The following SORCS2 variants were observed in gnomAD, a reference collection of about 807,000 sequenced individuals.
The protein encoded by SORCS2 is sortilin related VPS10 domain containing receptor 2.
Under a neutral mutation model 141.6 loss-of-function variants are expected in SORCS2, and 100 were observed. The ratio of observed to expected loss-of-function variants is 0.71; its 90% CI spans 0.60 to 0.83. The LOEUF (loss-of-function observed/expected upper bound fraction) is 0.83, where lower values mean the gene tolerates loss of function less well. SORCS2 is among the 40% of genes least tolerant of loss of function. The pLI, the probability that SORCS2 is intolerant of heterozygous loss-of-function variation, is 0.00. For synonymous variants in SORCS2, 789 were observed against 676.9 expected (o/e 1.17, Z -2.57); for missense variants, 1,646 against 1,560.2 (o/e 1.05, Z -0.93).
At chr4:7,559,965 G>A (rs1714416654) in intron 3 of SORCS2, among the ~76,000 whole-genome samples, 1 of 152,356 alleles carries the variant, frequency 6.6e-6, no homozygotes, top group East Asian at 1.9e-4. Context: ...GGAGCAGGGA[G>A]GGGACCTACC....
At chr4:7,675,365 CTG>C (rs1203741234) in intron 8 of SORCS2, among the ~76,000 whole-genome samples, 3 of 152,140 alleles carry the variant, frequency 2.0e-5, no homozygotes, top group African/African-American at 7.2e-5. Flanking sequence ...CCCCTCCAGA[CTG>C]TGCCCCCAGG....
chr4:7,446,408 A>G (rs780328366), intron 2 of SORCS2, among the ~76,000 whole-genome samples: 20 of 152,140 alleles, frequency 1.3e-4, no homozygotes, highest in Non-Finnish European at 2.5e-4. Context: ...GGGCTTCAAT[A>G]TATGAATTTT....
At chr4:7,583,411 CAT>C (rs1399653160) in intron 3 of SORCS2, among the ~76,000 whole-genome samples, 1 of 152,206 alleles carries the variant, frequency 6.6e-6, no homozygotes, top group African/African-American at 2.4e-5. Context: ...TTACCGAAGT[CAT>C]ACCACCTCGT....
intron 2 of SORCS2, among the ~76,000 whole-genome samples, chr4:7,456,460 C>T (rs1226988987): frequency 6.6e-6 from 1 of 151,782 alleles, no homozygotes. Context: ...GTTTCCCACC[C>T]ATAAGCCTGA....
intron 2 of SORCS2, among the ~76,000 whole-genome samples, chr4:7,457,689 A>G (rs1015164546): frequency 1.3e-5 from 2 of 151,066 alleles, no homozygotes; most frequent in East Asian, 3.9e-4. Context: ...CCCAGTGAAC[A>G]CTGCAAGCTG....
At chr4:7,230,405 G>A (rs994689873) in intron 1 of SORCS2, among the ~76,000 whole-genome samples, 40 of 119,422 alleles carry the variant, frequency 3.3e-4, no homozygotes, top group Non-Finnish European at 6.3e-4. Flanking sequence ...TCTCTGGGCC[G>A]GAGCAGTGTC....
rs529606603 is a variant in SORCS2 at position 7,640,412 on chromosome 4, G to C, written c.813+1920G>C. On this transcript the variant is annotated intron_variant, in intron 4 of 26. Coordinates refer to ENST00000507866, the MANE Select transcript of SORCS2 (RefSeq NM_020777.3). ...TGGGTGTGTGAGTGTGTGTGGGTGAGTGTGTGTGATCGTGTGTGTGAGTCT... is the reference window on the plus strand; with the variant it reads ...TGGGTGTGTGAGTGTGTGTGGGTGACTGTGTGTGATCGTGTGTGTGAGTCT... Among the ~76,000 whole-genome samples the C allele has an allele frequency of 1.1e-4, 15 of 139,324 alleles. No homozygotes were observed. The East Asian group carries it at 1.4e-3, about 13-fold the overall frequency. 91.4% of individuals were successfully genotyped at this position (139,324 alleles called of 152,430 possible).
chr4:7,461,133 C>T (rs192541347), intron 2 of SORCS2, among the ~76,000 whole-genome samples: 6 of 152,070 alleles, frequency 3.9e-5, no homozygotes, highest in African/African-American at 9.7e-5. Context: ...ACTGAGGATG[C>T]GGTGATTCGA....
Position 7,515,129 on chromosome 4 carries a change from G to A in SORCS2, c.549-16401G>A, listed in dbSNP as rs544193238. 7.2e-5 allele frequency among the ~76,000 whole-genome samples: 11 copies of A among 152,300 alleles called. No homozygotes were observed. The South Asian group carries it at 1.2e-3, about 17-fold the overall frequency. ...TCCCAGCCAGTCACTGTGTGGGGACGCTCCCTGCCTCTCACCCTGGAGATA... is the reference window on the plus strand; with the variant it reads ...TCCCAGCCAGTCACTGTGTGGGGACACTCCCTGCCTCTCACCCTGGAGATA... On this transcript the variant is annotated intron_variant, in intron 2 of 26. Transcript: ENST00000507866.
chr4:7,346,792 TA>T (rs1720677680), intron 1 of SORCS2, among the ~76,000 whole-genome samples: 1 of 152,236 alleles, frequency 6.6e-6, no homozygotes, highest in Non-Finnish European at 1.5e-5. Context: ...CAGCCACACT[TA>T]AACCAATCTT....
At chr4:7,725,481 A>G (rs1054538824) in intron 20 of SORCS2, among the ~76,000 whole-genome samples, 194 bp downstream of exon 20, 7 of 152,318 alleles carry the variant, frequency 4.6e-5, no homozygotes, top group African/African-American at 7.2e-5. Flanking sequence ...CATCTGCTCA[A>G]TGGTGCCAGA....
At chr4:7,423,720 C>T (rs73086304) in intron 2 of SORCS2, among the ~76,000 whole-genome samples, 5,740 of 152,258 alleles carry the variant, frequency 0.038, 366 homozygotes, top group African/African-American at 0.13. Context: ...ACCCAGGCTG[C>T]CCCACGGTGA....
chr4:7,440,620 G>A (rs1727602955), intron 2 of SORCS2, among the ~76,000 whole-genome samples: 1 of 152,176 alleles, frequency 6.6e-6, no homozygotes. Flanking sequence ...TGGAACTTGG[G>A]GGCCTAGACA....
chr4:7,723,993 C>G, intron 19 of SORCS2, 110 bp downstream of exon 19: 1 of 1,307,216 alleles, frequency 7.6e-7, no homozygotes, highest in Non-Finnish European at 1.0e-6. Flanking sequence ...CCCTGGTACT[C>G]AGGACGGTGA....
chr4:7,431,819 C>T (rs935759905), intron 2 of SORCS2: 3 of 152,206 alleles, frequency 2.0e-5, no homozygotes, highest in African/African-American at 4.8e-5. Flanking sequence ...AGGTCTGCGA[C>T]GTTTACTTAA....
chr4:7,280,168 C>A (rs987796523), intron 1 of SORCS2, among the ~76,000 whole-genome samples: 1 of 152,108 alleles, frequency 6.6e-6, no homozygotes, highest in South Asian at 2.1e-4. Context: ...GGCAAAGCAG[C>A]CTACCTGGTC....
rs192769981 is a variant in SORCS2 at position 7,642,766 on chromosome 4, G to C, written c.813+4274G>C. On this transcript the variant is annotated intron_variant, in intron 4 of 26. Coordinates refer to ENST00000507866, the MANE Select transcript of SORCS2 (RefSeq NM_020777.3). ...GCTCTGCTGGGCTTTGCTGCGATTGGCTATATGAGGCTCCTGGTTACTGGT... is the reference window on the plus strand; with the variant it reads ...GCTCTGCTGGGCTTTGCTGCGATTGCCTATATGAGGCTCCTGGTTACTGGT... 4.8e-3 allele frequency among the ~76,000 whole-genome samples: 737 copies of C among 152,250 alleles called. 5 individuals are homozygous for C. Among genetic ancestry groups the C allele is most frequent in the African/African-American group, 0.015 (603 of 41,534 alleles).
chr4:7,516,470 C>T (rs766383853), intron 2 of SORCS2, among the ~76,000 whole-genome samples: 9 of 152,078 alleles, frequency 5.9e-5, no homozygotes, highest in Non-Finnish European at 7.4e-5. Context: ...AGGAGAGGCA[C>T]CTAGAGTGGG....
In SORCS2 at chr4:7,325,041, G is replaced by A. The variant is rs1005195346; in HGVS notation, c.481-71247G>A. Among the ~76,000 whole-genome samples, 9 of 152,304 alleles carry A rather than the reference G, an allele frequency of 5.9e-5. No individual in the cohort carries two copies. In the South Asian group the frequency reaches 1.9e-3, roughly 32 times the overall value. On this transcript the variant is annotated intron_variant, in intron 1 of 26. Transcript: ENST00000507866. ...CAGTGGGGATGTGGGTGGCGCACAG[G>A]ACCTTGGGCTGCAGACGAGGCTGTC...
Sources: gnomAD v4.1 joint callset for allele counts (sites outside exome capture counted in the v4.1 genomes callset) on GRCh38, gnomAD v4.1.1 for gene constraint, MANE v1.5 for transcripts, NCBI Gene and HGNC (gene_info 2026-07-23, HGNC 2026-07-21) for gene names.